Variants in CD1E observed in about 807,000 individuals in gnomAD.
CD1E encodes CD1e molecule.
A neutral mutation model predicts 40.1 loss-of-function variants in CD1E; 49 were observed. That is an observed-to-expected ratio of 1.22 (90% CI 0.97 to 1.55). The LOEUF is 1.55. Ranked by LOEUF, CD1E falls within the 40% of genes most tolerant of loss-of-function variation. CD1E has a pLI of 0.00. For synonymous variants in CD1E, 189 were observed against 178.3 expected, an observed-to-expected ratio of 1.06 and a Z score of -0.48; for missense variants, 492 against 471.3, an observed-to-expected ratio of 1.04 and a Z score of -0.41.
rs1251865894 is a variant in CD1E, at chr1:158,356,838, C to G, written c.1109C>G (p.Ser370Trp). 2 of 1,613,944 alleles carry G rather than the reference C, an allele frequency of 1.2e-6. No individual in the cohort carries two copies. The highest frequency in any genetic ancestry group is 1.6e-4 in the Middle Eastern group (1 of 6,062). Reference sequence around the variant, plus strand: ...CATCAGTTCTGCTTGGCACAAGTATCGTGGATCAAAAACAGAGTATTGAAG... The same window carrying G: ...CATCAGTTCTGCTTGGCACAAGTATGGTGGATCAAAAACAGAGTATTGAAG... ...SRHQFCLAQV[S>W]WIKNRVLKKW... Residue 370 changes from serine to tryptophan, a missense_variant, in exon 6 of 6, where the codon TCG becomes TGG. Transcript: ENST00000368167.
rs1557841449 is a variant in CD1E, at chr1:158,356,984, A to G, written c.*88A>G. ...ATAAGGGAAGCATGCTTTTATTTAA[A>G]CAGTTTATACTAGCAAAGATACTGA... On this transcript the variant is annotated 3_prime_UTR_variant, in exon 6 of 6. Coordinates refer to ENST00000368167, the MANE Select transcript of CD1E (RefSeq NM_030893.4). The G allele has an allele frequency of 7.3e-6, 8 of 1,100,238 alleles. No homozygotes were observed. The highest frequency in any genetic ancestry group is 3.6e-5 in the Admixed American group (2 of 55,280). The allele number at this position is 1,100,238 out of a possible 1,614,324, so 68.2% of individuals were successfully genotyped here.
At position 158,355,518 on chromosome 1, in the gene CD1E, C is replaced by T. The variant is rs534544287; in HGVS notation, c.574C>T (p.Arg192Ter). 1.2e-6 allele frequency: 2 copies of T among 1,614,090 alleles called. No homozygotes were observed. The highest frequency in any genetic ancestry group is 1.3e-5 in the African/African-American group (1 of 75,016). ...AAGCCTTCTTGGTCACACCTGCCCT[C>T]GATTTCTAGCGGGGCTCATGGAAGC... ...LQSLLGHTCPRFLAGLMEAGE... is the reference protein window; with the variant it reads ...LQSLLGHTCP Residue 192 changes from arginine to a stop codon, truncating the protein, a stop_gained, in exon 3 of 6, where the codon CGA becomes TGA. Coordinates refer to ENST00000368167, the MANE Select transcript of CD1E (RefSeq NM_030893.4). LOFTEE classifies it high-confidence loss of function.
rs1653840396 is a variant in CD1E, at chr1:158,357,443, G to A, written c.*547G>A. The A allele has an allele frequency of 6.6e-6, 1 of 152,190 alleles. No homozygotes were observed. Among genetic ancestry groups the A allele is most frequent in the Non-Finnish European group, 1.5e-5 (1 of 68,034 alleles). 9.4% of individuals were successfully genotyped at this position (152,190 alleles called of 1,614,324 possible). ...GGAATCCTTAGTCATTTTCAAACAAGAGATATTGTATTTTCATTTTTCACT... is the reference window on the plus strand; with the variant it reads ...GGAATCCTTAGTCATTTTCAAACAAAAGATATTGTATTTTCATTTTTCACT... On this transcript the variant is annotated 3_prime_UTR_variant, in exon 6 of 6. Coordinates refer to ENST00000368167, the MANE Select transcript of CD1E (RefSeq NM_030893.4).
Position 158,356,046 on chromosome 1 carries a change from G to T in CD1E, c.845G>T (p.Gly282Val), listed in dbSNP as rs1305276290. 3.7e-6 allele frequency: 6 copies of T among 1,613,952 alleles called. No homozygotes were observed. The highest frequency in any genetic ancestry group is 1.7e-5 in the Admixed American group (1 of 60,006). The change falls in exon 4 of 6, where the codon GGC (glycine) becomes GTC (valine). Residue 282 changes from glycine to valine, a missense_variant. Transcript: ENST00000368167. ...TLDVAAGEAA[G>V]LSCRVKHSSL... is the part of the protein sequence containing the mutation. ...GATGTGGCGGCTGGGGAGGCAGCTG[G>T]CCTGTCCTGTCGGGTGAAACACAGC...
At position 158,357,076 on chromosome 1, in the gene CD1E, A is replaced by T. The variant is rs910584007; in HGVS notation, c.*180A>T. ...TTTTTCCTGCTTTGGCTACATATCCATCATTGTTTATTTTTGAAACTATAA... is the reference window on the plus strand; with the variant it reads ...TTTTTCCTGCTTTGGCTACATATCCTTCATTGTTTATTTTTGAAACTATAA... On this transcript the variant is annotated 3_prime_UTR_variant, in exon 6 of 6. Transcript: ENST00000368167. The T allele has an allele frequency of 3.5e-6, 2 of 564,106 alleles. No homozygotes were observed. Among genetic ancestry groups the T allele is most frequent in the Non-Finnish European group, 6.3e-6 (2 of 318,426 alleles). 34.9% of individuals were successfully genotyped at this position (564,106 alleles called of 1,614,324 possible). A position where few individuals can be genotyped will look rare whatever the true frequency, so the allele number is the denominator to read the frequency against.
rs11805538 is a variant in CD1E at position 158,353,943 on chromosome 1, T to G, written c.-46T>G. 15,047 of 1,461,022 alleles carry G rather than the reference T, an allele frequency of 0.01. 1,243 individuals are homozygous for G. In the African/African-American group the frequency reaches 0.18, roughly 18 times the overall value. 90.5% of individuals were successfully genotyped at this position (1,461,022 alleles called of 1,614,324 possible). Reference sequence around the variant, plus strand: ...AGAGGGGTACTGATATCTGAATTATTAGGGCAGGTGTCCTGCCAAGGAATC... The same window carrying G: ...AGAGGGGTACTGATATCTGAATTATGAGGGCAGGTGTCCTGCCAAGGAATC... On this transcript the variant is annotated 5_prime_UTR_variant, in exon 1 of 6. In the 5' UTR this introduces an upstream ATG that the reference lacks. Transcript: ENST00000368167.
At chr1:158,354,795 C>A in intron 2 of CD1E, 122 bp downstream of exon 2, 2 of 794,728 alleles carry the variant, frequency 2.5e-6, no homozygotes, top group Non-Finnish European at 4.0e-6. Context: ...CACTCTCTGA[C>A]TCCCACTCCC....
chr1:158,355,340 T>C lies in CD1E; in HGVS notation c.396T>C (p.Asn132=), dbSNP rs1390461987. The change falls in exon 3 of 6, where the codon AAT becomes AAC. Residue 132 remains asparagine, a synonymous_variant. Coordinates refer to ENST00000368167, the MANE Select transcript of CD1E (RefSeq NM_030893.4). ...EIQILAGCRM[N]APQIFLNMAY... The stretch of plus-strand genomic sequence containing the variant: ...AGATATTAGCTGGCTGTAGAATGAA[T>C]GCCCCACAAATCTTCTTAAATATGG... The C allele has an allele frequency of 1.9e-6, 3 of 1,614,076 alleles. No homozygotes were observed. The highest frequency in any genetic ancestry group is 2.5e-6 in the Non-Finnish European group (3 of 1,179,934).
chr1:158,356,192 C>A, intron 4 of CD1E, 87 bp downstream of exon 4: 1 of 1,469,648 alleles, frequency 6.8e-7, no homozygotes, highest in Non-Finnish European at 9.3e-7. Context: ...GGTAGGAATG[C>A]TAGGTACAAG....
intron 1 of CD1E, 38 bp from the exon 2 acceptor site, chr1:158,354,339 T>C (rs753476732): frequency 1.5e-5 from 23 of 1,542,862 alleles, no homozygotes; most frequent in Non-Finnish European, 2.0e-5. Flanking sequence ...TTCCCATCCC[T>C]TTACATTCTC....
Position 158,355,341 on chromosome 1 carries a change from GC to G in CD1E, c.401del (p.Pro134HisfsTer5). The G allele has an allele frequency of 1.2e-6, 2 of 1,613,918 alleles. No homozygotes were observed. The highest frequency in any genetic ancestry group is 1.7e-6 in the Non-Finnish European group (2 of 1,179,876). On this transcript the variant is annotated frameshift_variant, in exon 3 of 6. Coordinates refer to ENST00000368167, the MANE Select transcript of CD1E (RefSeq NM_030893.4). LOFTEE classifies it high-confidence loss of function. ...IQILAGCRMN[A>X]PQIFLNMAYQ... ...GATATTAGCTGGCTGTAGAATGAAT[GC>G]CCCACAAATCTTCTTAAATATGGCA...
Position 158,353,926 on chromosome 1 carries a change from A to C in CD1E, c.-63A>C. On this transcript the variant is annotated 5_prime_UTR_variant, in exon 1 of 6. Transcript: ENST00000368167. ...AGTGCAAGAGGGTGTGGAGAGGGGT[A>C]CTGATATCTGAATTATTAGGGCAGG... The C allele has an allele frequency of 7.9e-7, 1 of 1,271,346 alleles. No individual in the cohort carries two copies. The highest frequency in any genetic ancestry group is 1.2e-5 in the South Asian group (1 of 83,864). The allele number at this position is 1,271,346 out of a possible 1,614,324, so 78.8% of individuals were successfully genotyped here.
Position 158,355,290 on chromosome 1 carries a change from C to A in CD1E, c.356-10C>A. 6.2e-7 allele frequency: 1 copy of A among 1,611,726 alleles called. No homozygotes were observed. Reference sequence around the variant, plus strand: ...TTCCATAATGATCTCTCTTCCCTGTCCACTCTCAGACCCCTTCGAGATCCA... The same window carrying A: ...TTCCATAATGATCTCTCTTCCCTGTACACTCTCAGACCCCTTCGAGATCCA... On this transcript the variant is annotated splice_polypyrimidine_tract_variant and intron_variant, in intron 2 of 5. Coordinates refer to ENST00000368167, the MANE Select transcript of CD1E (RefSeq NM_030893.4).
intron 3 of CD1E, 72 bp downstream of exon 3, chr1:158,355,641 A>C (rs1653538198): frequency 2.6e-6 from 4 of 1,514,748 alleles, no homozygotes; most frequent in Non-Finnish European, 3.6e-6. Flanking sequence ...GCCTCTCATC[A>C]TCATTTTGAA....
chr1:158,356,236 G>A (rs1653663987), intron 4 of CD1E, 131 bp downstream of exon 4: 17 of 1,092,404 alleles, frequency 1.6e-5, no homozygotes, highest in Middle Eastern at 4.1e-4. Flanking sequence ...AATAAAGAAG[G>A]ATAGAGTATG....
Position 158,355,377 on chromosome 1 carries a change from T to G in CD1E, c.433T>G (p.Ser145Ala). ...QIFLNMAYQG[S>A]DFLSFQGISW... ...CTTCTTAAATATGGCATATCAAGGG[T>G]CAGATTTCCTGAGTTTCCAAGGAAT... Residue 145 changes from serine (S) to alanine (A), a missense_variant, in exon 3 of 6, where the codon TCA (serine) becomes GCA (alanine). Coordinates refer to ENST00000368167, the MANE Select transcript of CD1E (RefSeq NM_030893.4). The G allele has an allele frequency of 6.2e-7, 1 of 1,613,992 alleles. No individual in the cohort carries two copies. Among genetic ancestry groups the G allele is most frequent in the Non-Finnish European group, 8.5e-7 (1 of 1,179,940 alleles).
chr1:158,356,387 G>T, intron 4 of CD1E, 111 bp from the exon 5 acceptor site: 2 of 929,270 alleles, frequency 2.2e-6, no homozygotes, highest in East Asian at 2.6e-5. Context: ...TGAGGGCTTT[G>T]GAAAACCCAG....
rs757263312 is a variant in CD1E at position 158,355,516 on chromosome 1, C to G, written c.572C>G (p.Pro191Arg). The change falls in exon 3 of 6, where the codon CCT becomes CGT. Residue 191 changes from proline to arginine, a missense_variant. Physicochemically the swap from Pro to Arg is moderately radical, Grantham distance 103. Coordinates refer to ENST00000368167, the MANE Select transcript of CD1E (RefSeq NM_030893.4). ...ILQSLLGHTC[P>R]RFLAGLMEAG... is the part of the protein sequence containing the mutation. Reference sequence around the variant, plus strand: ...CAAAGCCTTCTTGGTCACACCTGCCCTCGATTTCTAGCGGGGCTCATGGAA... The same window carrying G: ...CAAAGCCTTCTTGGTCACACCTGCCGTCGATTTCTAGCGGGGCTCATGGAA... 6.2e-7 allele frequency: 1 copy of G among 1,614,154 alleles called. No individual in the cohort carries two copies. The highest frequency in any genetic ancestry group is 8.5e-7 in the Non-Finnish European group (1 of 1,180,024).
intron 1 of CD1E, 22 bp from the exon 2 acceptor site, chr1:158,354,355 T>C: frequency 6.4e-7 from 1 of 1,566,290 alleles, no homozygotes; most frequent in East Asian, 2.2e-5. Flanking sequence ...TTCTCTCTAC[T>C]TGTCATTTCC....
Sources: gnomAD v4.1 joint callset for allele counts on GRCh38, gnomAD v4.1.1 for gene constraint, MANE v1.5 for transcripts, NCBI Gene and HGNC (gene_info 2026-07-23, HGNC 2026-07-21) for gene names.